VPS13B: variants seen among roughly 807,000 people sequenced by gnomAD.
VPS13B encodes the protein vacuolar protein sorting 13 homolog B.
A neutral mutation model predicts 426.4 loss-of-function variants in VPS13B; 285 were observed. That is an observed-to-expected ratio of 0.67 (90% CI 0.61 to 0.74). VPS13B has a LOEUF of 0.74. VPS13B is among the 30% of genes least tolerant of loss of function. The pLI is 0.00. For synonymous variants in VPS13B, 1,676 were observed against 1,676.4 expected (o/e 1.00, Z 0.01); for missense variants, 4,537 against 4,782.6 (o/e 0.95, Z 1.51).
intron 33 of VPS13B, among the ~76,000 whole-genome samples, chr8:99,591,163 C>T (rs1038816966): frequency 7.9e-6 from 1 of 127,352 alleles, no homozygotes; most frequent in Non-Finnish European, 1.7e-5. Context: ...TGCAACCGCT[C>T]CTTTTTTTTT....
chr8:99,211,993 T>C (rs1370029200), intron 17 of VPS13B, among the ~76,000 whole-genome samples: 1 of 151,482 alleles, frequency 6.6e-6, no homozygotes, highest in Non-Finnish European at 1.5e-5. Flanking sequence ...CCCGGGTTCA[T>C]GCGATTCTCC....
At chr8:99,607,855 A>G (rs1052976472) in intron 33 of VPS13B, among the ~76,000 whole-genome samples, 2 of 152,122 alleles carry the variant, frequency 1.3e-5, no homozygotes, top group African/African-American at 4.8e-5. Flanking sequence ...CATAAATAAC[A>G]GTCATATTTC....
chr8:99,126,348 G>T (rs758428045), intron 8 of VPS13B, among the ~76,000 whole-genome samples: 16 of 152,140 alleles, frequency 1.1e-4, no homozygotes, highest in African/African-American at 7.2e-5. Context: ...CTTTGAATAT[G>T]TATGTTCACT....
At chr8:99,162,936 G>A (rs1386747408) in intron 15 of VPS13B, among the ~76,000 whole-genome samples, 4 of 152,238 alleles carry the variant, frequency 2.6e-5, no homozygotes, top group Admixed American at 6.5e-5. Flanking sequence ...TGATTGGTGC[G>A]TTTACAATCC....
chr8:99,254,809 AT>A (rs1434984830), intron 17 of VPS13B, among the ~76,000 whole-genome samples: 1 of 151,666 alleles, frequency 6.6e-6, no homozygotes, highest in Non-Finnish European at 1.5e-5. Context: ...TGCCTAGCTG[AT>A]TTTTGTATTG....
In VPS13B at chr8:99,809,492, A is replaced by G. The variant is rs369100428; in HGVS notation, c.8059A>G (p.Ile2687Val). 105 of 1,613,888 alleles carry G rather than the reference A, an allele frequency of 6.5e-5. No individual in the cohort carries two copies. The highest frequency in any genetic ancestry group is 8.1e-5 in the Non-Finnish European group (96 of 1,179,956). ...GTACAGGGGTCGAACTGCTTCTCTC[A>G]TCATCAAGGTTCAGCAACTCAATGG... is the stretch of plus-strand genomic sequence containing the variant. ...IQYRGRTASL[I>V]IKVQQLNGVQ... is the part of the protein sequence containing the mutation. The change falls in exon 44 of 62, where the codon ATC (isoleucine) becomes GTC (valine). Residue 2687 changes from isoleucine (I) to valine (V), a missense_variant. This residue lies in a region of VPS13B where 4,311 missense variants were observed against 4,474.3 expected (regional missense o/e 0.96). Coordinates refer to ENST00000357162, the MANE Select transcript of VPS13B (RefSeq NM_152564.5).
intron 21 of VPS13B, among the ~76,000 whole-genome samples, chr8:99,428,059 G>A (rs1232732993): frequency 6.6e-6 from 1 of 152,176 alleles, no homozygotes; most frequent in African/African-American, 2.4e-5. Context: ...TTTAATAAAT[G>A]GTGCTGGGAA....
chr8:99,254,167 T>C (rs1392463480), intron 17 of VPS13B, among the ~76,000 whole-genome samples: 1 of 152,184 alleles, frequency 6.6e-6, no homozygotes, highest in African/African-American at 2.4e-5. Context: ...AAAATCCTTA[T>C]TTTATTCTTA....
At position 99,133,079 on chromosome 8, in the gene VPS13B, G is replaced by T. The variant is rs190684621; in HGVS notation, c.1207-1553G>T. Among the ~76,000 whole-genome samples the T allele has an allele frequency of 1.3e-4, 20 of 152,280 alleles. No homozygotes were observed. The East Asian group carries it at 3.9e-3, about 29-fold the overall frequency. Reference sequence around the variant, plus strand: ...GCCAAGCACTGACTTTTCCTCTCTAGCTCAGATGACATCTTCTTCCAGGAG... The same window carrying T: ...GCCAAGCACTGACTTTTCCTCTCTATCTCAGATGACATCTTCTTCCAGGAG... On this transcript the variant is annotated intron_variant, in intron 8 of 61. Transcript: ENST00000357162.
At chr8:99,253,679 C>T (rs1817614882) in intron 17 of VPS13B, among the ~76,000 whole-genome samples, 1 of 152,060 alleles carries the variant, frequency 6.6e-6, no homozygotes, top group Non-Finnish European at 1.5e-5. Flanking sequence ...TTGATCCAGT[C>T]TTCCAGTCTT....
chr8:99,479,509 A>G (rs1412368911), intron 24 of VPS13B, among the ~76,000 whole-genome samples: 1 of 152,174 alleles, frequency 6.6e-6, no homozygotes, highest in Non-Finnish European at 1.5e-5. Context: ...TAAATTAGCT[A>G]ATTTGTTAAG....
Position 99,509,742 on chromosome 8 carries a change from G to T in VPS13B, c.4225-1362G>T, listed in dbSNP as rs1821688777. ...CTTTGGACCCTACTAACTTTTTCAG[G>T]TGTTGGAAAGAGGGGCAGGGAATGT... On this transcript the variant is annotated intron_variant, in intron 28 of 61. Coordinates refer to ENST00000357162, the MANE Select transcript of VPS13B (RefSeq NM_152564.5). 1.3e-5 allele frequency among the ~76,000 whole-genome samples: 2 copies of T among 152,046 alleles called. 1 individual carries two copies. The highest frequency in any genetic ancestry group is 4.1e-4 in the South Asian group (2 of 4,828).
intron 8 of VPS13B, among the ~76,000 whole-genome samples, chr8:99,124,578 T>C (rs958638986): frequency 4.6e-5 from 7 of 152,038 alleles, no homozygotes; most frequent in African/African-American, 1.7e-4. Context: ...AGTGGAATAA[T>C]ATTCAGCCAT....
intron 16 of VPS13B, among the ~76,000 whole-genome samples, chr8:99,179,648 T>C (rs1459289356): frequency 1.3e-5 from 2 of 152,204 alleles, no homozygotes; most frequent in African/African-American, 4.8e-5. Flanking sequence ...GTACTTTTCA[T>C]AGAAGTGATT....
At chr8:99,014,037 T>A (rs1587912807) in intron 2 of VPS13B, 102 bp downstream of exon 2, 2 of 1,499,900 alleles carry the variant, frequency 1.3e-6, no homozygotes, top group African/African-American at 2.8e-5. Context: ...AAACGTAACT[T>A]TTCTACTGAT....
At chr8:99,667,546 T>TAG (rs1830536882) in intron 35 of VPS13B, among the ~76,000 whole-genome samples, 1 of 152,212 alleles carries the variant, frequency 6.6e-6, no homozygotes, top group Admixed American at 6.5e-5. Flanking sequence ...ATATATCAGC[T>TAG]GTGTGTGACT....
chr8:99,741,265 A>G (rs1165704338), intron 39 of VPS13B, among the ~76,000 whole-genome samples: 1 of 152,214 alleles, frequency 6.6e-6, no homozygotes, highest in Non-Finnish European at 1.5e-5. Flanking sequence ...ATTCAACAAG[A>G]AGAGCTAACT....
At chr8:99,458,128 T>C in intron 23 of VPS13B, among the ~76,000 whole-genome samples, 1 of 143,282 alleles carries the variant, frequency 7.0e-6, no homozygotes, top group South Asian at 2.4e-4. Flanking sequence ...CCATGTGTTC[T>C]CATTGTTCAA....
chr8:99,720,810 C>T lies in VPS13B; in HGVS notation c.6866-53C>T, dbSNP rs1289130842. On this transcript the variant is annotated intron_variant, in intron 38 of 61. Coordinates refer to ENST00000357162, the MANE Select transcript of VPS13B (RefSeq NM_152564.5). ...ATTTCTTCTTCCTTTACTTTTTCCC[C>T]TTTGTCATGTTCCCCTTTAAATCAT... 1.2e-5 allele frequency: 18 copies of T among 1,515,758 alleles called. No individual in the cohort carries two copies. The East Asian group carries it at 4.1e-4, about 34-fold the overall frequency. 93.9% of individuals were successfully genotyped at this position (1,515,758 alleles called of 1,614,324 possible).
Sources: gnomAD v4.1 joint callset for allele counts (sites outside exome capture counted in the v4.1 genomes callset) on GRCh38, gnomAD v4.1.1 for gene constraint, gnomAD v4.1.1 regional missense constraint, MANE v1.5 for transcripts, NCBI Gene and HGNC (gene_info 2026-07-23, HGNC 2026-07-21) for gene names.